The following ARHGAP44 variants were observed in gnomAD, a reference collection of about 807,000 sequenced individuals.
ARHGAP44 encodes the protein Rho GTPase activating protein 44, also known as rho GTPase-activating protein 44.
Under a neutral mutation model 106.8 loss-of-function variants are expected in ARHGAP44, and 43 were observed. The ratio of observed to expected loss-of-function variants is 0.40; its 90% CI spans 0.32 to 0.52. ARHGAP44 has a LOEUF of 0.52. Among genes scored for constraint, ARHGAP44 ranks in the 20% least tolerant of loss-of-function variants. The pLI is 0.48. For synonymous variants in ARHGAP44, 439 were observed against 410.3 expected, an observed-to-expected ratio of 1.07 and a Z score of -0.85; for missense variants, 866 against 1,050.5, an observed-to-expected ratio of 0.82 and a Z score of 2.43.
rs182594602 is a variant in ARHGAP44, at chr17:12,895,006, C to T, written c.93+27C>T. Reference sequence around the variant, plus strand: ...TAAGGCGGCCATTGACACTGGCTCACAGATACCAGAGATATATGGGAGGCT... The same window carrying T: ...TAAGGCGGCCATTGACACTGGCTCATAGATACCAGAGATATATGGGAGGCT... On this transcript the variant is annotated intron_variant, in intron 2 of 20. Coordinates refer to ENST00000379672, the MANE Select transcript of ARHGAP44 (RefSeq NM_014859.6). 1.6e-3 allele frequency: 2,525 copies of T among 1,570,684 alleles called. 2 individuals carry two copies. Among genetic ancestry groups the T allele is most frequent in the Admixed American group, 2.8e-3 (149 of 53,282 alleles).
At chr17:12,809,457 G>A (rs1027370465) in intron 1 of ARHGAP44, among the ~76,000 whole-genome samples, 18 of 152,282 alleles carry the variant, frequency 1.2e-4, no homozygotes, top group South Asian at 1.0e-3. Flanking sequence ...TGTCTTACAC[G>A]GCAGCAGACA....
At position 12,802,927 on chromosome 17, in the gene ARHGAP44, TTATATATATATATATATA is replaced by T. The variant is rs1159214788; in HGVS notation, c.53+13062_53+13079del. On this transcript the variant is annotated intron_variant, in intron 1 of 20. Coordinates refer to ENST00000379672, the MANE Select transcript of ARHGAP44 (RefSeq NM_014859.6). ...GCATGTACCACCATACCTGGCTAAT[TTATATATATATATATATA>T]TATATATATATATATATATATATAT... is the stretch of plus-strand genomic sequence containing the variant. Among the ~76,000 whole-genome samples, 165 of 29,212 alleles carry T rather than the reference TTATATATATATATATATA, an allele frequency of 5.6e-3. 8 individuals carry two copies. The highest frequency in any genetic ancestry group is 0.015 in the African/African-American group (116 of 7,720). 19.2% of individuals were successfully genotyped at this position (29,212 alleles called of 152,430 possible). A position where few individuals can be genotyped will look rare whatever the true frequency, so the allele number is the denominator to read the frequency against.
At position 12,990,247 on chromosome 17, in the gene ARHGAP44, A is replaced by G. The variant is rs2040095044; in HGVS notation, c.*76A>G. The G allele has an allele frequency of 1.3e-6, 2 of 1,524,758 alleles. No homozygotes were observed. Among genetic ancestry groups the G allele is most frequent in the East Asian group, 2.4e-5 (1 of 41,382 alleles). 94.5% of individuals were successfully genotyped at this position (1,524,758 alleles called of 1,614,324 possible). ...AACGCCGCCAGGAGCAGCGTCCATG[A>G]GCTTGCCAAGTGTTCTCTGCTGGCT... On this transcript the variant is annotated 3_prime_UTR_variant, in exon 21 of 21. Transcript: ENST00000379672.
At chr17:12,844,321 A>G (rs545441057) in intron 1 of ARHGAP44, among the ~76,000 whole-genome samples, 4 of 152,184 alleles carry the variant, frequency 2.6e-5, no homozygotes, top group Non-Finnish European at 5.9e-5. Context: ...GCTGCATCAT[A>G]ACATGGCGGA....
intron 1 of ARHGAP44, among the ~76,000 whole-genome samples, chr17:12,894,274 G>A (rs777163092): frequency 5.3e-5 from 8 of 149,564 alleles, no homozygotes; most frequent in Non-Finnish European, 1.0e-4. Flanking sequence ...GTGCGTGCGT[G>A]TTGTCAGATA....
At chr17:12,919,387 CTTT>C (rs375129968) in intron 5 of ARHGAP44, among the ~76,000 whole-genome samples, 3 of 136,084 alleles carry the variant, frequency 2.2e-5, no homozygotes, top group Admixed American at 1.5e-4. Context: ...AATAGTTCTT[CTTT>C]TTTTTTTTTT....
chr17:12,807,542 A>G (rs11871709), intron 1 of ARHGAP44, among the ~76,000 whole-genome samples: 28,491 of 152,142 alleles, frequency 0.19, 4,682 homozygotes, highest in African/African-American at 0.43. Flanking sequence ...GCAAGGGAGT[A>G]CGTATAGGGG....
chr17:12,878,899 A>G (rs1294179269), intron 1 of ARHGAP44, among the ~76,000 whole-genome samples: 14 of 152,252 alleles, frequency 9.2e-5, no homozygotes, highest in Admixed American at 8.5e-4. Context: ...TGTTTCTAGC[A>G]TAAATCTTTT....
chr17:12,822,974 A>G (rs1178427848), intron 1 of ARHGAP44, among the ~76,000 whole-genome samples: 3 of 152,172 alleles, frequency 2.0e-5, no homozygotes, highest in Non-Finnish European at 2.9e-5. Flanking sequence ...ATCTTCTTTC[A>G]TCTGCAGAGG....
At chr17:12,820,909 A>G (rs1426607970) in intron 1 of ARHGAP44, among the ~76,000 whole-genome samples, 1 of 152,214 alleles carries the variant, frequency 6.6e-6, no homozygotes, top group Non-Finnish European at 1.5e-5. Context: ...TTTGAAGACC[A>G]TATCTAAAAC....
chr17:12,833,687 T>C (rs1234470978), intron 1 of ARHGAP44, among the ~76,000 whole-genome samples: 3 of 152,126 alleles, frequency 2.0e-5, no homozygotes, highest in Non-Finnish European at 4.4e-5. Context: ...AGGCCACAAC[T>C]TGGTTTTATA....
At chr17:12,864,630 A>G (rs1000998182) in intron 1 of ARHGAP44, among the ~76,000 whole-genome samples, 1 of 152,212 alleles carries the variant, frequency 6.6e-6, no homozygotes, top group African/African-American at 2.4e-5. Context: ...GAGAAACATC[A>G]CAGCTTGCTT....
Position 12,980,086 on chromosome 17 carries a change from G to A in ARHGAP44, c.1792G>A (p.Gly598Ser). 4 of 1,610,932 alleles carry A rather than the reference G, an allele frequency of 2.5e-6. No homozygotes were observed. The highest frequency in any genetic ancestry group is 3.4e-6 in the Non-Finnish European group (4 of 1,178,338). Reference protein sequence around the residue: ...STTKSKELSPGSAQKGSPGSS... With the variant: ...STTKSKELSPSSAQKGSPGSS... ...AACAAAAAGCAAGGAACTTTCTCCA[G>A]GCTCTGCACAGAAAGGAAGTCCAGG... The change falls in exon 19 of 21, where the codon GGC becomes AGC. Residue 598 changes from glycine (G) to serine (S), a missense_variant. Physicochemically the swap from Gly to Ser is moderately conservative, Grantham distance 56. Around this residue, in one of 2 missense-constraint regions of ARHGAP44, gnomAD observed 418 missense variants for 403.6 expected, o/e 1.04. Coordinates refer to ENST00000379672, the MANE Select transcript of ARHGAP44 (RefSeq NM_014859.6).
chr17:12,912,510 A>G (rs2037769426), intron 4 of ARHGAP44, among the ~76,000 whole-genome samples: 1 of 152,190 alleles, frequency 6.6e-6, no homozygotes, highest in African/African-American at 2.4e-5. Flanking sequence ...AGAGGAAGAA[A>G]TAATAATAAA....
intron 7 of ARHGAP44, among the ~76,000 whole-genome samples, chr17:12,936,488 G>T (rs1369260253): frequency 6.6e-6 from 1 of 152,130 alleles, no homozygotes; most frequent in Non-Finnish European, 1.5e-5. Context: ...ATAGTAATAT[G>T]CATTTCAGTT....
chr17:12,800,342 T>A (rs2034053189), intron 1 of ARHGAP44, among the ~76,000 whole-genome samples: 2 of 152,208 alleles, frequency 1.3e-5, no homozygotes, highest in African/African-American at 2.4e-5. Context: ...ATCCCCATGG[T>A]GACTAATAGT....
In ARHGAP44 at chr17:12,789,876, A is replaced by G. The variant is rs1259355033; in HGVS notation, c.38A>G (p.Asn13Ser). 1.3e-6 allele frequency: 2 copies of G among 1,522,252 alleles called. No homozygotes were observed. Among genetic ancestry groups the G allele is most frequent in the African/African-American group, 1.4e-5 (1 of 69,570 alleles). 94.3% of individuals were successfully genotyped at this position (1,522,252 alleles called of 1,614,324 possible). Reference sequence around the variant, plus strand: ...TTCAATCGCATGCGCCAGCTGGCCAACCAGACGGTGGGCAGGTAGGTCACC... The same window carrying G: ...TTCAATCGCATGCGCCAGCTGGCCAGCCAGACGGTGGGCAGGTAGGTCACC... ...KQFNRMRQLANQTVGRAEKTE... is the reference protein window; with the variant it reads ...KQFNRMRQLASQTVGRAEKTE... The change falls in exon 1 of 21, where the codon AAC becomes AGC. Residue 13 changes from asparagine to serine, a missense_variant. By Grantham distance (46) the Asn-to-Ser change is conservative. Transcript: ENST00000379672.
In ARHGAP44 at chr17:12,978,035, TCAAAA is replaced by T. The variant is rs1399841292; in HGVS notation, c.1764-2022_1764-2018del. Among the ~76,000 whole-genome samples, 11 of 55,560 alleles carry T rather than the reference TCAAAA, an allele frequency of 2.0e-4. 3 individuals are homozygous for T. In the East Asian group the frequency reaches 3.8e-3, roughly 19 times the overall value. The allele number at this position is 55,560 out of a possible 152,430, so 36.4% of individuals were successfully genotyped here. ...CTGGGCAACAGAGCAAGACTCCATC[TCAAAA>T]AAAAAAAAAAAAAAAAGTGTGTTTC... On this transcript the variant is annotated intron_variant, in intron 18 of 20. Coordinates refer to ENST00000379672, the MANE Select transcript of ARHGAP44 (RefSeq NM_014859.6).
intron 1 of ARHGAP44, among the ~76,000 whole-genome samples, chr17:12,847,890 C>G (rs960110092): frequency 6.6e-6 from 1 of 152,102 alleles, no homozygotes; most frequent in Non-Finnish European, 1.5e-5. Flanking sequence ...CAGCTGTGCC[C>G]GTGTCTTTGT....
Sources: gnomAD v4.1 joint callset for allele counts (sites outside exome capture counted in the v4.1 genomes callset) on GRCh38, gnomAD v4.1.1 for gene constraint, gnomAD v4.1.1 regional missense constraint, MANE v1.5 for transcripts, NCBI Gene and HGNC (gene_info 2026-07-23, HGNC 2026-07-21) for gene names.